Variants in RAB23 observed in about 807,000 individuals in gnomAD.
RAB23 encodes the protein RAB23, member RAS oncogene family.
RAB23 carries 15 observed loss-of-function variants against 30.0 expected under a neutral mutation model. The ratio of observed to expected loss-of-function variants is 0.50; its 90% CI spans 0.33 to 0.77. RAB23 has a LOEUF of 0.77. RAB23 is among the 30% of genes least tolerant of loss of function. The probability of loss-of-function intolerance (pLI) is 0.02; values close to 1 mark genes in which losing one functional copy is unlikely to be tolerated. For synonymous variants in RAB23, 93 were observed against 94.0 expected (o/e 0.99, Z 0.06); for missense variants, 243 against 275.4 (o/e 0.88, Z 0.83).
chr6:57,222,265 T>C lies in RAB23; in HGVS notation c.-605A>G, dbSNP rs1404545303. ...CGCCGGGGGTGGTGGGGCGCGGGAGTCTCGACTCCCCTCATCTGTGGACCC... is the reference window on the plus strand; with the variant it reads ...CGCCGGGGGTGGTGGGGCGCGGGAGCCTCGACTCCCCTCATCTGTGGACCC... On this transcript the variant is annotated 5_prime_UTR_variant, in exon 1 of 7. Coordinates refer to ENST00000468148, the MANE Select transcript of RAB23 (RefSeq NM_016277.5). 6.6e-6 allele frequency: 1 copy of C among 151,432 alleles called. No individual in the cohort carries two copies. The highest frequency in any genetic ancestry group is 1.5e-5 in the Non-Finnish European group (1 of 68,058). The allele number at this position is 151,432 out of a possible 1,614,324, so 9.4% of individuals were successfully genotyped here.
intron 6 of RAB23, among the ~76,000 whole-genome samples, chr6:57,191,843 T>TTGTGTGTG (rs984122202): frequency 2.7e-5 from 4 of 150,388 alleles, no homozygotes; most frequent in African/African-American, 9.8e-5. Context: ...TATTTCTGAG[T>TTGTGTGTG]TGTGTGTGTG....
At chr6:57,191,090 T>G (rs1261630370) in intron 6 of RAB23, among the ~76,000 whole-genome samples, 1 of 152,246 alleles carries the variant, frequency 6.6e-6, no homozygotes, top group Admixed American at 6.5e-5. Context: ...TGTATGTATA[T>G]ACCACATTTT....
At chr6:57,193,590 T>C (rs1434513171) in intron 6 of RAB23, among the ~76,000 whole-genome samples, 1 of 152,238 alleles carries the variant, frequency 6.6e-6, no homozygotes, top group Non-Finnish European at 1.5e-5. Flanking sequence ...AGTTCCTTTA[T>C]ATAAAGGACA....
intron 1 of RAB23, among the ~76,000 whole-genome samples, chr6:57,214,469 G>A (rs1172549131): frequency 6.6e-6 from 1 of 152,004 alleles, no homozygotes; most frequent in Non-Finnish European, 1.5e-5. Context: ...CGCCTGGCTA[G>A]TTTTTGCATT....
rs750343611 is a variant in RAB23 at position 57,194,859 on chromosome 6, A to G, written c.399-7T>C. The G allele has an allele frequency of 6.2e-6, 10 of 1,609,732 alleles. No homozygotes were observed. The highest frequency in any genetic ancestry group is 1.7e-5 in the Admixed American group (1 of 59,924). ...CAGTGCCTCAGCTTCCTCACTGCAC[A>G]TCAATTTAAAAAAAAATGCTTTACA... On this transcript the variant is annotated splice_region_variant and splice_polypyrimidine_tract_variant and intron_variant, in intron 4 of 6. Coordinates refer to ENST00000468148, the MANE Select transcript of RAB23 (RefSeq NM_016277.5).
At chr6:57,208,686 C>CT (rs1333431973) in intron 2 of RAB23, among the ~76,000 whole-genome samples, 1 of 144,450 alleles carries the variant, frequency 6.9e-6, no homozygotes, top group Non-Finnish European at 1.5e-5. Flanking sequence ...TGCCCTTAAA[C>CT]TTAAAATTTA....
chr6:57,212,195 T>C lies in RAB23; in HGVS notation c.-65-1750A>G, dbSNP rs542957992. On this transcript the variant is annotated intron_variant, in intron 1 of 6. Coordinates refer to ENST00000468148, the MANE Select transcript of RAB23 (RefSeq NM_016277.5). Reference sequence around the variant, plus strand: ...GGATCCACTGCACTGTCCACTCCTGTTGAGGCCGCATTCTCCCCGGGTAAA... The same window carrying C: ...GGATCCACTGCACTGTCCACTCCTGCTGAGGCCGCATTCTCCCCGGGTAAA... Among the ~76,000 whole-genome samples the C allele has an allele frequency of 2.0e-5, 3 of 152,338 alleles. No homozygotes were observed. The East Asian group carries it at 5.8e-4, about 29-fold the overall frequency.
At position 57,196,511 on chromosome 6, in the gene RAB23, C is replaced by A. The variant is rs748398827; in HGVS notation, c.337G>T (p.Asp113Tyr). 1.2e-6 allele frequency: 2 copies of A among 1,614,024 alleles called. No individual in the cohort carries two copies. Residue 113 changes from aspartate (D) to tyrosine (Y), a missense_variant, in exon 4 of 7, where the codon GAT becomes TAT. Physicochemically the swap from Asp to Tyr is radical, Grantham distance 160. Coordinates refer to ENST00000468148, the MANE Select transcript of RAB23 (RefSeq NM_016277.5). ...WREKVVAEVG[D>Y]IPTVLVQNKI... is the part of the protein sequence containing the mutation. The stretch of plus-strand genomic sequence containing the variant: ...TTTTGCACAAGTACAGTTGGTATAT[C>A]TCCCACTTCGGCTACTACTTTCTCT...
chr6:57,188,547 C>CAAAGT lies in RAB23; in HGVS notation c.*1909_*1913dup, dbSNP rs1554307981. 1.3e-5 allele frequency: 2 copies of CAAAGT among 151,954 alleles called. No individual in the cohort carries two copies. The highest frequency in any genetic ancestry group is 6.6e-5 in the Admixed American group (1 of 15,260). The allele number at this position is 151,954 out of a possible 1,614,324, so 9.4% of individuals were successfully genotyped here. A position where few individuals can be genotyped will look rare whatever the true frequency, so the allele number is the denominator to read the frequency against. On this transcript the variant is annotated 3_prime_UTR_variant, in exon 7 of 7. Transcript: ENST00000468148. ...AATAAAGACAAAAGACTATTTGTTG[C>CAAAGT]AAAGTATTATTTTGTGCAAAAATTA...
chr6:57,201,092 T>C (rs1765237978), intron 3 of RAB23, among the ~76,000 whole-genome samples: 1 of 151,514 alleles, frequency 6.6e-6, no homozygotes. Flanking sequence ...CTCTCTTTTT[T>C]TTTTTTTTTG....
intron 1 of RAB23, among the ~76,000 whole-genome samples, chr6:57,213,612 C>T (rs1393443432): frequency 1.3e-5 from 2 of 152,166 alleles, no homozygotes; most frequent in East Asian, 3.9e-4. Flanking sequence ...AAATGATACA[C>T]ATTTTTCCCT....
chr6:57,211,226 G>A (rs1203936513), intron 1 of RAB23, among the ~76,000 whole-genome samples: 2 of 152,154 alleles, frequency 1.3e-5, no homozygotes, highest in Non-Finnish European at 2.9e-5. Context: ...TGAGGCAAGA[G>A]GATCGCTTGA....
At chr6:57,210,593 T>C in intron 1 of RAB23, 148 bp from the exon 2 acceptor site, 3 of 617,674 alleles carry the variant, frequency 4.9e-6, no homozygotes, top group Non-Finnish European at 8.5e-6. Context: ...TGTAAACTCT[T>C]TGAAAGGTAC....
intron 1 of RAB23, 67 bp from the exon 2 acceptor site, chr6:57,210,512 C>A: frequency 9.6e-7 from 1 of 1,043,698 alleles, no homozygotes; most frequent in Non-Finnish European, 1.5e-6. Context: ...ATTGTTTTAT[C>A]AAGAAATTAT....
chr6:57,191,173 G>A (rs550973585), intron 6 of RAB23, among the ~76,000 whole-genome samples: 42 of 152,168 alleles, frequency 2.8e-4, no homozygotes, highest in South Asian at 2.5e-3. Context: ...ACTTTTAGTA[G>A]CTAATACGCA....
At position 57,210,315 on chromosome 6, in the gene RAB23, T is replaced by G; in HGVS notation, c.66A>C (p.Lys22Asn). ...TGCAATATCGCTGAATCATACTTGATTTTCCAACTGCTCCATTCCCTACAA... is the reference window on the plus strand; with the variant it reads ...TGCAATATCGCTGAATCATACTTGAGTTTCCAACTGCTCCATTCCCTACAA... The part of the protein sequence containing the change: ...MVVVGNGAVG[K>N]SSMIQRYCKG... The change falls in exon 2 of 7, where the codon AAA becomes AAC. Residue 22 changes from lysine (K) to asparagine (N), a missense_variant. Physicochemically the swap from Lys to Asn is moderately conservative, Grantham distance 94. Transcript: ENST00000468148. 1.2e-6 allele frequency: 2 copies of G among 1,613,980 alleles called. No individual in the cohort carries two copies. The highest frequency in any genetic ancestry group is 1.7e-6 in the Non-Finnish European group (2 of 1,179,844).
In RAB23 at chr6:57,196,471, A is replaced by G; in HGVS notation, c.377T>C (p.Leu126Pro). Residue 126 changes from leucine to proline, a missense_variant, in exon 4 of 7, where the codon CTG (leucine) becomes CCG (proline). Transcript: ENST00000468148. ...TVLVQNKIDLLDDSCIKNEEA... is the reference protein window; with the variant it reads ...TVLVQNKIDLPDDSCIKNEEA... ...TTACTTCTTTATACAAGAATCATCC[A>G]GAAGATCAATCTTGTTTTGCACAAG... The G allele has an allele frequency of 1.2e-6, 2 of 1,614,034 alleles. No homozygotes were observed. The highest frequency in any genetic ancestry group is 1.7e-6 in the Non-Finnish European group (2 of 1,179,956).
chr6:57,210,052 A>G (rs1359115998), intron 2 of RAB23, among the ~76,000 whole-genome samples, 174 bp downstream of exon 2: 5 of 117,956 alleles, frequency 4.2e-5, no homozygotes, highest in African/African-American at 1.9e-4. Context: ...GAGATGAAAG[A>G]AAAAAAAAAG....
At chr6:57,217,613 T>C (rs1322315726) in intron 1 of RAB23, among the ~76,000 whole-genome samples, 1 of 151,876 alleles carries the variant, frequency 6.6e-6, no homozygotes, top group South Asian at 2.1e-4. Context: ...CAGCCTAAGA[T>C]ACGAAAATTT....
Sources: gnomAD v4.1 joint callset for allele counts (sites outside exome capture counted in the v4.1 genomes callset) on GRCh38, gnomAD v4.1.1 for gene constraint, MANE v1.5 for transcripts, NCBI Gene and HGNC (gene_info 2026-07-23, HGNC 2026-07-21) for gene names.